Variants in RNF157 observed in about 807,000 individuals in gnomAD.
RNF157 encodes the protein E3 ubiquitin ligase RNF157.
RNF157 carries 55 observed loss-of-function variants against 88.3 expected under a neutral mutation model. The observed-to-expected ratio is 0.62, with a 90% CI of 0.50 to 0.78. The LOEUF (loss-of-function observed/expected upper bound fraction) is 0.78. Ranked by LOEUF, RNF157 falls within the 30% of genes least tolerant of loss-of-function variation. The probability of loss-of-function intolerance (pLI) is 0.00; values close to 1 mark genes in which losing one functional copy is unlikely to be tolerated. For synonymous variants in RNF157, 334 were observed against 341.2 expected (o/e 0.98, Z 0.23); for missense variants, 788 against 860.8 (o/e 0.92, Z 1.06).
At chr17:76,177,529 G>C (rs1042918945) in intron 2 of RNF157, among the ~76,000 whole-genome samples, 10 of 152,014 alleles carry the variant, frequency 6.6e-5, no homozygotes, top group African/African-American at 1.4e-4. Context: ...GAAGGGGAAG[G>C]GGGAGAGGCG....
At chr17:76,203,350 GACTC>G (rs1281911595) in intron 2 of RNF157, among the ~76,000 whole-genome samples, 9 of 152,082 alleles carry the variant, frequency 5.9e-5, no homozygotes, top group African/African-American at 2.2e-4. Flanking sequence ...GGGAAATTGA[GACTC>G]ACTGATTGGC....
chr17:76,225,407 C>T (rs1598443279), intron 1 of RNF157, among the ~76,000 whole-genome samples: 1 of 152,276 alleles, frequency 6.6e-6, no homozygotes, highest in Middle Eastern at 3.4e-3. Context: ...AAATTTAACC[C>T]TACTCCATAA....
At chr17:76,223,379 G>T (rs2070022398) in intron 1 of RNF157, among the ~76,000 whole-genome samples, 2 of 151,740 alleles carry the variant, frequency 1.3e-5, no homozygotes, top group South Asian at 2.1e-4. Flanking sequence ...GTAGAGACGG[G>T]GTTTCACCAT....
intron 2 of RNF157, among the ~76,000 whole-genome samples, chr17:76,180,840 A>T (rs2069177298): frequency 6.6e-6 from 1 of 152,206 alleles, no homozygotes; most frequent in Non-Finnish European, 1.5e-5. Context: ...TCGTGCGGCC[A>T]TCACCGCCAT....
intron 2 of RNF157, among the ~76,000 whole-genome samples, chr17:76,200,367 C>T (rs1472134162): frequency 6.6e-6 from 1 of 152,156 alleles, no homozygotes; most frequent in Non-Finnish European, 1.5e-5. Flanking sequence ...TACAGTGTAT[C>T]GATATAATGG....
rs1267263457 is a variant in RNF157, at chr17:76,161,437, A to G, written c.1065+98T>C. 1.1e-6 allele frequency: 1 copy of G among 925,270 alleles called. No individual in the cohort carries two copies. The highest frequency in any genetic ancestry group is 1.8e-6 in the Non-Finnish European group (1 of 564,582). 57.3% of individuals were successfully genotyped at this position (925,270 alleles called of 1,614,324 possible). The stretch of plus-strand genomic sequence containing the variant: ...TAAATACTGCAGCATGCCCTGGTCT[A>G]ATTCCTTGCTGCAATGCCACGTAGA... On this transcript the variant is annotated intron_variant, in intron 11 of 18. Transcript: ENST00000269391. The surrounding 1 kb of genome is among the most constrained non-coding windows in gnomAD (Gnocchi z 4.6).
chr17:76,164,812 A>G lies in RNF157; in HGVS notation c.673-17T>C. 6.2e-7 allele frequency: 1 copy of G among 1,603,974 alleles called. No individual in the cohort carries two copies. Among genetic ancestry groups the G allele is most frequent in the South Asian group, 1.1e-5 (1 of 90,536 alleles). On this transcript the variant is annotated splice_polypyrimidine_tract_variant and intron_variant, in intron 7 of 18. Transcript: ENST00000269391. Reference sequence around the variant, plus strand: ...ATCTGTGTGCTGGAATGAAAATATGAAAGTTATGACAAGGAAGGGAGGGTA... The same window carrying G: ...ATCTGTGTGCTGGAATGAAAATATGGAAGTTATGACAAGGAAGGGAGGGTA...
rs147483199 is a variant in RNF157 at position 76,145,442 on chromosome 17, G to A, written c.1922-89C>T. 6.9e-4 allele frequency: 609 copies of A among 885,558 alleles called. 4 individuals are homozygous for A. The African/African-American group carries it at 7.5e-3, about 11-fold the overall frequency. 54.9% of individuals were successfully genotyped at this position (885,558 alleles called of 1,614,324 possible). On this transcript the variant is annotated intron_variant, in intron 18 of 18. Transcript: ENST00000269391. ...AGCAGGGCAGCCCAGGAGCCGGCACGGAAGGAGCAGGATGCGTGTCACCTG... is the reference window on the plus strand; with the variant it reads ...AGCAGGGCAGCCCAGGAGCCGGCACAGAAGGAGCAGGATGCGTGTCACCTG...
chr17:76,208,370 T>C (rs58003444), intron 2 of RNF157, among the ~76,000 whole-genome samples: 27,180 of 152,160 alleles, frequency 0.18, 6,183 homozygotes, highest in African/African-American at 0.54. Flanking sequence ...AGCCAGACTG[T>C]TAGGTTCCAA....
intron 2 of RNF157, among the ~76,000 whole-genome samples, chr17:76,208,080 T>C (rs928585854): frequency 1.6e-4 from 25 of 152,142 alleles, no homozygotes; most frequent in Non-Finnish European, 1.2e-4. Flanking sequence ...CACGCCTGGC[T>C]AATTTTTATC....
rs182389558 is a variant in RNF157, at chr17:76,190,178, T to A, written c.208-16388A>T. The stretch of plus-strand genomic sequence containing the variant: ...CTAACTGCTTGCTCTCTCTTTTTTT[T>A]TTTTTTTTGAAATAGATTCTCACTG... On this transcript the variant is annotated intron_variant, in intron 2 of 18. Transcript: ENST00000269391. Among the ~76,000 whole-genome samples, 425 of 152,076 alleles carry A rather than the reference T, an allele frequency of 2.8e-3. 4 individuals carry two copies. The highest frequency in any genetic ancestry group is 9.7e-3 in the African/African-American group (404 of 41,486).
At chr17:76,148,724 C>G (rs531738045) in intron 18 of RNF157, among the ~76,000 whole-genome samples, 1 of 152,268 alleles carries the variant, frequency 6.6e-6, no homozygotes, top group Admixed American at 6.5e-5. Context: ...GCGTACGCCA[C>G]CAAGCCTGGC....
chr17:76,149,677 A>G (rs1295024337), intron 18 of RNF157, among the ~76,000 whole-genome samples: 1 of 152,192 alleles, frequency 6.6e-6, no homozygotes, highest in Non-Finnish European at 1.5e-5. Context: ...CTCTCAAGTA[A>G]AAAGGCAACC....
intron 2 of RNF157, among the ~76,000 whole-genome samples, chr17:76,200,523 T>C (rs554495655): frequency 3.9e-5 from 6 of 152,210 alleles, no homozygotes; most frequent in African/African-American, 1.2e-4. Context: ...GTCAAACTCA[T>C]AGAGGCAGAA....
chr17:76,155,178 A>G lies in RNF157; in HGVS notation c.1764+74T>C. 5 of 1,338,184 alleles carry G rather than the reference A, an allele frequency of 3.7e-6. No individual in the cohort carries two copies. The South Asian group carries it at 5.9e-5, about 16-fold the overall frequency. The allele number at this position is 1,338,184 out of a possible 1,614,324, so 82.9% of individuals were successfully genotyped here. A position where few individuals can be genotyped will look rare whatever the true frequency, so the allele number is the denominator to read the frequency against. On this transcript the variant is annotated intron_variant, in intron 16 of 18. Transcript: ENST00000269391. ...GCGCAGCCTCCTGGCCCTGGTCCTT[A>G]CTGGCATCCCCAGCCAAGGCCAGCA...
At chr17:76,237,681 G>A (rs910350847) in intron 1 of RNF157, among the ~76,000 whole-genome samples, 7 of 152,176 alleles carry the variant, frequency 4.6e-5, no homozygotes, top group Admixed American at 4.6e-4. Flanking sequence ...CATTTCTCTG[G>A]GTCTCCATTT....
intron 1 of RNF157, among the ~76,000 whole-genome samples, chr17:76,224,355 A>G (rs958811276): frequency 1.3e-5 from 2 of 150,960 alleles, no homozygotes; most frequent in Non-Finnish European, 3.0e-5. Flanking sequence ...TATGAATTAT[A>G]ACAACATATA....
In RNF157 at chr17:76,173,970, C is replaced by T. The variant is rs538479159; in HGVS notation, c.208-180G>A. 9.2e-5 allele frequency among the ~76,000 whole-genome samples: 14 copies of T among 152,028 alleles called. No individual in the cohort carries two copies. The East Asian group carries it at 2.7e-3, about 29-fold the overall frequency. On this transcript the variant is annotated intron_variant, in intron 2 of 18. Transcript: ENST00000269391. ...TCAACCTGCTCAAGGTCACAGCTAG[C>T]GGGAAAACTGGGATGCAATTTGGGG...
intron 18 of RNF157, among the ~76,000 whole-genome samples, 171 bp downstream of exon 18, chr17:76,152,184 A>G (rs1016507319): frequency 3.3e-5 from 5 of 151,844 alleles, no homozygotes; most frequent in Admixed American, 1.3e-4. Flanking sequence ...AAGCTCAAGG[A>G]CTCTCCCAGG....
Sources: allele counts gnomAD v4.1 joint callset (sites outside exome capture counted in the v4.1 genomes callset), GRCh38; gene constraint gnomAD v4.1.1; non-coding constraint Gnocchi (gnomAD v3.1); transcripts MANE v1.5; gene names NCBI Gene and HGNC (gene_info 2026-07-23, HGNC 2026-07-21).